The following MED12L variants were observed in gnomAD, a reference collection of about 807,000 sequenced individuals.
MED12L encodes mediator of RNA polymerase II transcription subunit 12-like protein.
MED12L carries 60 observed loss-of-function variants against 281.3 expected under a neutral mutation model. The ratio of observed to expected loss-of-function variants is 0.21; its 90% CI spans 0.17 to 0.26. The LOEUF is 0.26. Ranked by LOEUF, MED12L falls within the 10% of genes least tolerant of loss-of-function variation. The pLI, the probability that MED12L is intolerant of heterozygous loss-of-function variation, is 1.00. For synonymous variants in MED12L, 974 were observed against 987.2 expected (o/e 0.99, Z 0.25); for missense variants, 2,146 against 2,680.9 (o/e 0.80, Z 4.41).
At chr3:151,241,044 G>T (rs139131480) in intron 16 of MED12L, among the ~76,000 whole-genome samples, 28 of 152,000 alleles carry the variant, frequency 1.8e-4, no homozygotes, top group Non-Finnish European at 2.1e-4. Flanking sequence ...CTGTGTAAAG[G>T]CTTTAAAAAC....
intron 16 of MED12L, among the ~76,000 whole-genome samples, chr3:151,210,483 A>G (rs1238458485): frequency 6.6e-6 from 1 of 152,220 alleles, no homozygotes; most frequent in South Asian, 2.1e-4. Context: ...TTATATGATT[A>G]TGATCTTTCT....
In MED12L at chr3:151,323,533, C is replaced by CA. The variant is rs1477403329; in HGVS notation, c.2251-26526_2251-26525insA. Among the ~76,000 whole-genome samples, 3 of 152,296 alleles carry CA rather than the reference C, an allele frequency of 2.0e-5. No homozygotes were observed. The East Asian group carries it at 5.8e-4, about 29-fold the overall frequency. ...CAACCACAGCACAGTTCCACCCCTA[C>CA]CTGAGCCTGCCTTGAAACTGCTTAT... On this transcript the variant is annotated intron_variant, in intron 16 of 44. Coordinates refer to ENST00000687756, the MANE Select transcript of MED12L (RefSeq NM_001393769.1).
intron 36 of MED12L, 54 bp downstream of exon 36, chr3:151,385,245 CT>C (rs1466938397): frequency 1.9e-4 from 179 of 943,370 alleles, no homozygotes; most frequent in East Asian, 3.2e-4. Context: ...AGATGAAATA[CT>C]TTTTTTTGTC....
chr3:151,263,185 G>A (rs1739225241), intron 16 of MED12L, among the ~76,000 whole-genome samples: 1 of 152,132 alleles, frequency 6.6e-6, no homozygotes, highest in Non-Finnish European at 1.5e-5. Context: ...GTGCTTTTAG[G>A]ATGGCCCAGC....
In MED12L at chr3:151,420,499, C is replaced by G. The variant is rs113020933; in HGVS notation, c.6408+4077C>G. Among the ~76,000 whole-genome samples, 1,019 of 152,304 alleles carry G rather than the reference C, an allele frequency of 6.7e-3. 14 individuals are homozygous for G. The highest frequency in any genetic ancestry group is 0.023 in the African/African-American group (972 of 41,556). On this transcript the variant is annotated intron_variant, in intron 43 of 44. Transcript: ENST00000687756. ...CTAGGAGTGATGGTGAGTGGTGCCA[C>G]TTCCACTTCTACCCCTTGATTCCTG...
intron 43 of MED12L, chr3:151,425,625 G>T: frequency 4.4e-6 from 2 of 456,370 alleles, no homozygotes; most frequent in Non-Finnish European, 8.8e-6. Context: ...TCCTGGAGAA[G>T]TGGTTATACC....
At chr3:151,091,166 G>A (rs1034108240) in intron 2 of MED12L, among the ~76,000 whole-genome samples, 2 of 152,142 alleles carry the variant, frequency 1.3e-5, no homozygotes, top group African/African-American at 4.8e-5. Flanking sequence ...GAGATTTCCG[G>A]GAATCAGGAG....
chr3:151,415,827 C>T (rs570462773), intron 42 of MED12L, among the ~76,000 whole-genome samples: 4 of 152,066 alleles, frequency 2.6e-5, no homozygotes, highest in Non-Finnish European at 5.9e-5. Flanking sequence ...TAAATTATGC[C>T]AGAAGGTGTC....
At chr3:151,128,795 G>A (rs1268900584) in intron 5 of MED12L, among the ~76,000 whole-genome samples, 1 of 152,146 alleles carries the variant, frequency 6.6e-6, no homozygotes, top group African/African-American at 2.4e-5. Flanking sequence ...CTGAAATTAT[G>A]TTTAAAATAT....
At chr3:151,425,505 A>T (rs1342119893) in intron 43 of MED12L, 3 of 392,232 alleles carry the variant, frequency 7.6e-6, no homozygotes, top group Non-Finnish European at 1.5e-5. Context: ...GGCTCAAGTG[A>T]TCTTTCCACC....
intron 8 of MED12L, among the ~76,000 whole-genome samples, chr3:151,160,457 G>A (rs1016510404): frequency 2.0e-5 from 3 of 152,144 alleles, no homozygotes; most frequent in African/African-American, 7.2e-5. Context: ...CACATCTTGG[G>A]TTGGTTGCCT....
chr3:151,144,824 T>A (rs1355514342), intron 5 of MED12L, among the ~76,000 whole-genome samples: 2 of 152,132 alleles, frequency 1.3e-5, no homozygotes, highest in Non-Finnish European at 2.9e-5. Flanking sequence ...TCAGTTTCCC[T>A]CAGTGACCTA....
At chr3:151,416,501 G>A (rs1458882974) in intron 43 of MED12L, 79 bp downstream of exon 43, 54 of 1,476,382 alleles carry the variant, frequency 3.7e-5, no homozygotes, top group Non-Finnish European at 4.9e-5. Flanking sequence ...TCATAAGATT[G>A]TTAAGAATCG....
intron 32 of MED12L, among the ~76,000 whole-genome samples, chr3:151,381,853 G>A (rs531327871): frequency 1.3e-5 from 2 of 152,200 alleles, no homozygotes; most frequent in African/African-American, 4.8e-5. Flanking sequence ...TCACCTTGCA[G>A]GGTACTTACA....
At chr3:151,129,715 TTGTGTGTGTG>T (rs62785262) in intron 5 of MED12L, among the ~76,000 whole-genome samples, 74 of 147,640 alleles carry the variant, frequency 5.0e-4, no homozygotes, top group Admixed American at 8.8e-4. Context: ...ATATCTACAT[TTGTGTGTGTG>T]TGTGTGTGTG....
At chr3:151,126,536 A>C (rs1318232640) in intron 4 of MED12L, among the ~76,000 whole-genome samples, 1 of 152,242 alleles carries the variant, frequency 6.6e-6, no homozygotes, top group Non-Finnish European at 1.5e-5. Flanking sequence ...AATTTGTGAC[A>C]TGTCAGTGCA....
intron 16 of MED12L, among the ~76,000 whole-genome samples, chr3:151,308,070 G>A (rs1746956088): frequency 6.6e-6 from 1 of 152,124 alleles, no homozygotes; most frequent in Non-Finnish European, 1.5e-5. Context: ...GAAAACATAT[G>A]TTAAGTCAAT....
intron 8 of MED12L, among the ~76,000 whole-genome samples, chr3:151,161,525 CAG>C (rs1719979524): frequency 6.6e-6 from 1 of 152,056 alleles, no homozygotes; most frequent in African/African-American, 2.4e-5. Context: ...GGAGAGAGAA[CAG>C]GGGGAGAGTA....
At chr3:151,230,178 G>T (rs368427493) in intron 16 of MED12L, among the ~76,000 whole-genome samples, 3 of 152,068 alleles carry the variant, frequency 2.0e-5, no homozygotes, top group Admixed American at 6.6e-5. Flanking sequence ...ATTTCACCGT[G>T]TTAGCCAGGA....
Sources: allele counts gnomAD v4.1 joint callset (sites outside exome capture counted in the v4.1 genomes callset), GRCh38; gene constraint gnomAD v4.1.1; transcripts MANE v1.5; gene names NCBI Gene and HGNC (gene_info 2026-07-23, HGNC 2026-07-21).